PTPRD: variants seen among roughly 807,000 people sequenced by gnomAD.
PTPRD encodes receptor-type tyrosine-protein phosphatase delta.
PTPRD carries 34 observed loss-of-function variants against 214.5 expected under a neutral mutation model. The observed-to-expected ratio is 0.16, with a 90% CI of 0.12 to 0.21. The LOEUF (loss-of-function observed/expected upper bound fraction) is 0.21, where lower values mean the gene tolerates loss of function less well. PTPRD is among the 10% of genes least tolerant of loss of function. PTPRD has a pLI of 1.00. For synonymous variants in PTPRD, 1,128 were observed against 845.7 expected (o/e 1.33, Z -5.79); for missense variants, 2,545 against 2,398.7 (o/e 1.06, Z -1.27).
intron 5 of PTPRD, among the ~76,000 whole-genome samples, chr9:9,833,167 C>G (rs1326841562): frequency 1.3e-5 from 2 of 151,962 alleles, no homozygotes; most frequent in Non-Finnish European, 2.9e-5. Flanking sequence ...GTTAAGGGTT[C>G]TATCAGGGGA....
At chr9:10,419,780 T>A (rs10121426) in intron 2 of PTPRD, among the ~76,000 whole-genome samples, 11,687 of 151,778 alleles carry the variant, frequency 0.077, 619 homozygotes, top group Admixed American at 0.17. Flanking sequence ...TCATGTACAA[T>A]CTGAAATTTC....
intron 10 of PTPRD, among the ~76,000 whole-genome samples, chr9:9,154,209 T>A (rs2099879269): frequency 6.6e-6 from 1 of 152,200 alleles, no homozygotes; most frequent in Non-Finnish European, 1.5e-5. Context: ...ATTACAGACT[T>A]GTGAATGAGA....
chr9:9,213,382 AGT>A (rs2099950066), intron 9 of PTPRD, among the ~76,000 whole-genome samples: 1 of 152,238 alleles, frequency 6.6e-6, no homozygotes, highest in Non-Finnish European at 1.5e-5. Context: ...CACAAAACAC[AGT>A]GTTACTCTGT....
chr9:8,698,207 C>G (rs1367426072), intron 12 of PTPRD, among the ~76,000 whole-genome samples: 3 of 152,194 alleles, frequency 2.0e-5, no homozygotes, highest in African/African-American at 7.2e-5. Flanking sequence ...ATACTGAATG[C>G]ATACTTATGC....
chr9:9,316,457 G>A (rs1423560292), intron 9 of PTPRD, among the ~76,000 whole-genome samples: 1 of 152,034 alleles, frequency 6.6e-6, no homozygotes, highest in Non-Finnish European at 1.5e-5. Flanking sequence ...ACTTTTATTA[G>A]GGTAATCTAT....
chr9:8,847,741 A>G (rs1451348832), intron 11 of PTPRD, among the ~76,000 whole-genome samples: 1 of 125,032 alleles, frequency 8.0e-6, no homozygotes, highest in Non-Finnish European at 1.6e-5. Flanking sequence ...CTAAACTATT[A>G]TAAAATAGGT....
intron 5 of PTPRD, among the ~76,000 whole-genome samples, chr9:9,778,029 A>T (rs1213991634): frequency 6.6e-6 from 1 of 152,192 alleles, no homozygotes; most frequent in South Asian, 2.1e-4. Flanking sequence ...GCAGTGATAG[A>T]GAGGGGAGAC....
chr9:10,125,686 G>A (rs1201894905), intron 3 of PTPRD, among the ~76,000 whole-genome samples: 1 of 150,846 alleles, frequency 6.6e-6, no homozygotes, highest in African/African-American at 2.4e-5. Flanking sequence ...GTTTCACCAT[G>A]TTGGTCAGGC....
rs2130118993 is a variant in PTPRD, at chr9:8,315,196, A to G, written c.*2678T>C. 4.3e-6 allele frequency: 1 copy of G among 232,820 alleles called. No individual in the cohort carries two copies. Among genetic ancestry groups the G allele is most frequent in the African/African-American group, 2.2e-5 (1 of 45,408 alleles). 14.4% of individuals were successfully genotyped at this position (232,820 alleles called of 1,614,324 possible). ...ACAGAGTGGAATGCACATCAATGAC[A>G]GTAAGGGAGTTAGTTCTAGGAACAG... On this transcript the variant is annotated 3_prime_UTR_variant, in exon 46 of 46. Transcript: ENST00000381196.
intron 7 of PTPRD, among the ~76,000 whole-genome samples, chr9:9,718,926 A>G (rs1434847210): frequency 2.6e-5 from 4 of 152,118 alleles, no homozygotes; most frequent in East Asian, 3.9e-4. Flanking sequence ...GGAGGCAGAC[A>G]GGTTCCTAAG....
rs138276582 is a variant in PTPRD, at chr9:9,052,718, A to G, written c.-142-33983T>C. Among the ~76,000 whole-genome samples the G allele has an allele frequency of 5.3e-4, 81 of 152,374 alleles. 1 individual carries two copies. The East Asian group carries it at 0.013, about 24-fold the overall frequency. On this transcript the variant is annotated intron_variant, in intron 10 of 45. Transcript: ENST00000381196. The stretch of plus-strand genomic sequence containing the variant: ...CAATTCACTGGATTATACTGTCCAC[A>G]TAAGTACAAAGCTGTAAAGAAGTCA...
At chr9:9,712,708 T>C (rs1295276026) in intron 7 of PTPRD, among the ~76,000 whole-genome samples, 1 of 152,204 alleles carries the variant, frequency 6.6e-6, no homozygotes, top group African/African-American at 2.4e-5. Context: ...TCTTAGTTTA[T>C]CCATTGGTCT....
At chr9:9,102,853 A>G (rs1056105211) in intron 10 of PTPRD, among the ~76,000 whole-genome samples, 1 of 152,200 alleles carries the variant, frequency 6.6e-6, no homozygotes, top group African/African-American at 2.4e-5. Flanking sequence ...ATAACAACAA[A>G]AGCAAAATTT....
In PTPRD at chr9:10,391,636, C is replaced by G. The variant is rs377462139; in HGVS notation, c.-599-50619G>C. ...TTGCTCAAACCTTTCCTTGCTCCAA[C>G]CTTCATCCAAGTCAACATTACTGAT... is the stretch of plus-strand genomic sequence containing the variant. On this transcript the variant is annotated intron_variant, in intron 2 of 45. Coordinates refer to ENST00000381196, the MANE Select transcript of PTPRD (RefSeq NM_002839.4). 3.0e-4 allele frequency among the ~76,000 whole-genome samples: 46 copies of G among 151,884 alleles called. No individual in the cohort carries two copies. The East Asian group carries it at 7.2e-3, about 24-fold the overall frequency.
chr9:9,780,548 T>C (rs1267677159), intron 5 of PTPRD, among the ~76,000 whole-genome samples: 2 of 152,204 alleles, frequency 1.3e-5, no homozygotes, highest in African/African-American at 2.4e-5. Context: ...CACCAAATGT[T>C]AGCAAACACA....
intron 9 of PTPRD, among the ~76,000 whole-genome samples, chr9:9,297,857 G>C (rs1350497192): frequency 6.6e-6 from 1 of 151,570 alleles, no homozygotes; most frequent in African/African-American, 2.4e-5. Flanking sequence ...AGATAACTAT[G>C]TGTCATCTAC....
chr9:8,734,618 C>A (rs989729267), intron 11 of PTPRD, among the ~76,000 whole-genome samples: 2 of 152,204 alleles, frequency 1.3e-5, no homozygotes, highest in African/African-American at 4.8e-5. Context: ...CCTCAGTCTT[C>A]TCTGTAAAAT....
intron 7 of PTPRD, among the ~76,000 whole-genome samples, chr9:9,654,822 CTT>C (rs1252861241): frequency 1.3e-5 from 2 of 152,080 alleles, no homozygotes; most frequent in Non-Finnish European, 2.9e-5. Flanking sequence ...GACTTTCTCT[CTT>C]TAACTGATAC....
chr9:9,967,588 G>A (rs1587685644), intron 4 of PTPRD, among the ~76,000 whole-genome samples: 1 of 152,162 alleles, frequency 6.6e-6, no homozygotes, highest in African/African-American at 2.4e-5. Flanking sequence ...TCACTTTTCA[G>A]ATGAGGAACA....
Sources: gnomAD v4.1 joint callset for allele counts (sites outside exome capture counted in the v4.1 genomes callset) on GRCh38, gnomAD v4.1.1 for gene constraint, MANE v1.5 for transcripts, NCBI Gene and HGNC (gene_info 2026-07-23, HGNC 2026-07-21) for gene names.